VWA5B1: variants seen among roughly 807,000 people sequenced by gnomAD.
The protein encoded by VWA5B1 is von Willebrand factor A domain-containing protein 5B1.
Under a neutral mutation model 118.2 loss-of-function variants are expected in VWA5B1, and 115 were observed. The ratio of observed to expected loss-of-function variants is 0.97; its 90% CI spans 0.84 to 1.14. VWA5B1 has a LOEUF of 1.14. VWA5B1 is among the 50% of genes most tolerant of loss of function. The probability of loss-of-function intolerance (pLI) is 0.00; values close to 1 mark genes in which losing one functional copy is unlikely to be tolerated. For missense variants in VWA5B1, 1,596 were observed against 1,603.8 expected (o/e 1.00, Z 0.08); for synonymous variants, 682 against 658.4 (o/e 1.04, Z -0.55).
chr1:20,319,630 G>C, intron 7 of VWA5B1, 124 bp downstream of exon 7: 1 of 1,394,442 alleles, frequency 7.2e-7, no homozygotes, highest in Non-Finnish European at 9.7e-7. Flanking sequence ...GCTGGAGGCA[G>C]ACACCAGGCA....
chr1:20,352,835 T>A (rs1307970588), intron 21 of VWA5B1, among the ~76,000 whole-genome samples: 3 of 152,238 alleles, frequency 2.0e-5, no homozygotes, highest in Non-Finnish European at 1.5e-5. Flanking sequence ...GCACTAGGCA[T>A]GTTTTTACTC....
intron 11 of VWA5B1, 141 bp from the exon 12 acceptor site, chr1:20,332,625 G>C (rs1045534963): frequency 4.3e-6 from 3 of 701,822 alleles, no homozygotes. Context: ...TCAGAAGTGT[G>C]CTCAGTGCTA....
At position 20,305,694 on chromosome 1, in the gene VWA5B1, A is replaced by C. The variant is rs1570062286; in HGVS notation, c.-26-4882A>C. On this transcript the variant is annotated intron_variant, in intron 1 of 21. Transcript: ENST00000289815. ...GTGGGCAGTGGCCAGGAGCTGACTCAGGGGCACAGAATTACAGAGCTTCCC... is the reference window on the plus strand; with the variant it reads ...GTGGGCAGTGGCCAGGAGCTGACTCCGGGGCACAGAATTACAGAGCTTCCC... Among the ~76,000 whole-genome samples the C allele has an allele frequency of 2.0e-5, 3 of 152,008 alleles. No individual in the cohort carries two copies. The Middle Eastern group carries it at 0.01, about 517-fold the overall frequency.
chr1:20,314,040 A>AAGT (rs951799985), intron 3 of VWA5B1, among the ~76,000 whole-genome samples: 1 of 152,104 alleles, frequency 6.6e-6, no homozygotes, highest in Non-Finnish European at 1.5e-5. Context: ...TTGGGGTGGG[A>AAGT]AGTAGAGTTT....
At chr1:20,308,616 A>G (rs1372501500) in intron 1 of VWA5B1, among the ~76,000 whole-genome samples, 1 of 152,104 alleles carries the variant, frequency 6.6e-6, no homozygotes, top group Non-Finnish European at 1.5e-5. Context: ...CCACCAGGAG[A>G]GAGATCTCCT....
intron 4 of VWA5B1, 39 bp from the exon 5 acceptor site, chr1:20,317,491 C>T (rs763388449): frequency 6.5e-7 from 1 of 1,546,060 alleles, no homozygotes; most frequent in Non-Finnish European, 8.7e-7. Flanking sequence ...CTTCTTCCAC[C>T]CTGGCTGGTC....
Position 20,357,487 on chromosome 1 carries a change from C to A in VWA5B1, c.*3224C>A, listed in dbSNP as rs574129122. Among the ~76,000 whole-genome samples the A allele has an allele frequency of 4.6e-5, 7 of 152,342 alleles. No homozygotes were observed. The South Asian group carries it at 1.0e-3, about 23-fold the overall frequency. The stretch of plus-strand genomic sequence containing the variant: ...CTCCGAGCAGGTGACCCAGCAGCAG[C>A]TCTTCTCTGGTTACTAGGTCGCAAA... On this transcript the variant is annotated 3_prime_UTR_variant, in exon 22 of 22. Transcript: ENST00000289815.
intron 20 of VWA5B1, 110 bp downstream of exon 20, chr1:20,351,036 T>C: frequency 9.1e-7 from 1 of 1,097,324 alleles, no homozygotes; most frequent in Non-Finnish European, 1.3e-6. Context: ...GCCTGACATT[T>C]AGGCAGGTGT....
At chr1:20,352,253 C>A (rs2090145641) in intron 21 of VWA5B1, 81 bp downstream of exon 21, 2 of 1,040,374 alleles carry the variant, frequency 1.9e-6, no homozygotes, top group Non-Finnish European at 2.8e-6. Flanking sequence ...CTGCCCACCT[C>A]TCCACTTCCT....
intron 7 of VWA5B1, among the ~76,000 whole-genome samples, chr1:20,321,725 A>T (rs912162806): frequency 1.3e-5 from 2 of 151,766 alleles, no homozygotes; most frequent in Non-Finnish European, 3.0e-5. Flanking sequence ...GCAGAAGACC[A>T]AGAGCCCAAC....
At chr1:20,301,470 G>A (rs2088502470) in intron 1 of VWA5B1, among the ~76,000 whole-genome samples, 1 of 152,194 alleles carries the variant, frequency 6.6e-6, no homozygotes, top group African/African-American at 2.4e-5. Context: ...AAGAGGAAAG[G>A]CAGGTTCCAG....
intron 4 of VWA5B1, among the ~76,000 whole-genome samples, chr1:20,317,025 G>A (rs190635885): frequency 2.9e-4 from 44 of 151,898 alleles, no homozygotes; most frequent in African/African-American, 8.2e-4. Flanking sequence ...GCGTAGTGGC[G>A]GGCACCTGTA....
At chr1:20,344,195 A>G (rs193085952) in intron 16 of VWA5B1, among the ~76,000 whole-genome samples, 192 of 149,650 alleles carry the variant, frequency 1.3e-3, no homozygotes, top group Middle Eastern at 3.5e-3. Context: ...CCATTCAGTG[A>G]CCCGTCCTCT....
rs552715671 is a variant in VWA5B1 at position 20,301,648 on chromosome 1, G to A, written c.-26-8928G>A. On this transcript the variant is annotated intron_variant, in intron 1 of 21. Coordinates refer to ENST00000289815, the MANE Select transcript of VWA5B1 (RefSeq NM_001039500.3). ...CAGCTCTCCCTGTGCGCCACCAGCCGGTGAGCCCCTCAGCACACGGGAAGC... is the reference window on the plus strand; with the variant it reads ...CAGCTCTCCCTGTGCGCCACCAGCCAGTGAGCCCCTCAGCACACGGGAAGC... 3.9e-5 allele frequency among the ~76,000 whole-genome samples: 6 copies of A among 152,344 alleles called. No homozygotes were observed. In the South Asian group the frequency reaches 8.3e-4, roughly 21 times the overall value.
chr1:20,331,007 C>G, intron 11 of VWA5B1, 24 bp downstream of exon 11: 1 of 1,519,342 alleles, frequency 6.6e-7, no homozygotes, highest in Admixed American at 2.1e-5. Context: ...CCCACGCAGT[C>G]CCTTCTGGTG....
At chr1:20,326,372 TG>T (rs2089379859) in intron 8 of VWA5B1, among the ~76,000 whole-genome samples, 1 of 149,354 alleles carries the variant, frequency 6.7e-6, no homozygotes, top group Non-Finnish European at 1.5e-5. Context: ...ATAAACAAGA[TG>T]GGGGACATGG....
At chr1:20,340,780 T>C (rs1457475754) in intron 14 of VWA5B1, among the ~76,000 whole-genome samples, 2 of 152,226 alleles carry the variant, frequency 1.3e-5, no homozygotes, top group Non-Finnish European at 2.9e-5. Context: ...CCCTGTCCTA[T>C]TCCCAGACCC....
chr1:20,350,717 C>T, intron 19 of VWA5B1, 140 bp from the exon 20 acceptor site: 1 of 771,906 alleles, frequency 1.3e-6, no homozygotes. Flanking sequence ...AGGAGCTCCA[C>T]AGCCTAATGG....
At chr1:20,312,558 C>T (rs1420114709) in intron 2 of VWA5B1, among the ~76,000 whole-genome samples, 1 of 152,222 alleles carries the variant, frequency 6.6e-6, no homozygotes. Flanking sequence ...ACACAAGTCC[C>T]ATAGAAACCC....
Sources: allele counts gnomAD v4.1 joint callset (sites outside exome capture counted in the v4.1 genomes callset), GRCh38; gene constraint gnomAD v4.1.1; transcripts MANE v1.5; gene names NCBI Gene and HGNC (gene_info 2026-07-23, HGNC 2026-07-21).